Variants in ESRRG observed in about 807,000 individuals in gnomAD.
ESRRG encodes estrogen-related receptor gamma.
A neutral mutation model predicts 44.0 loss-of-function variants in ESRRG; 13 were observed. The ratio of observed to expected loss-of-function variants is 0.30; its 90% CI spans 0.19 to 0.47. ESRRG has a LOEUF of 0.47. Among genes scored for constraint, ESRRG ranks in the 20% least tolerant of loss-of-function variants. The pLI is 1.00. For missense variants in ESRRG, 395 were observed against 580.6 expected, an observed-to-expected ratio of 0.68 and a Z score of 3.29; for synonymous variants, 215 against 214.6, an observed-to-expected ratio of 1.00 and a Z score of -0.02.
chr1:217,049,521 CTG>C (rs2085510555), intron 1 of ESRRG, among the ~76,000 whole-genome samples: 1 of 152,156 alleles, frequency 6.6e-6, no homozygotes, highest in Non-Finnish European at 1.5e-5. Context: ...AGGGGAGAAA[CTG>C]TTGAATTTGT....
chr1:217,117,073 A>G (rs1254764637), intron 1 of ESRRG, among the ~76,000 whole-genome samples: 5 of 152,218 alleles, frequency 3.3e-5, no homozygotes, highest in African/African-American at 4.8e-5. Flanking sequence ...ATAACAGCAT[A>G]TGGAGAAAAT....
Position 216,996,556 on chromosome 1 carries a change from T to G in ESRRG, c.-105-56883A>C, listed in dbSNP as rs956218506. On this transcript the variant is annotated intron_variant, in intron 1 of 7. Transcript: ENST00000359162. ...AAATAAGTAAATGAATAAGTTAAGG[T>G]GAGAAATAAAGGTGAGAAAGAGTCA... Among the ~76,000 whole-genome samples, 8 of 151,816 alleles carry G rather than the reference T, an allele frequency of 5.3e-5. No individual in the cohort carries two copies. The South Asian group carries it at 6.2e-4, about 12-fold the overall frequency.
intron 1 of ESRRG, among the ~76,000 whole-genome samples, chr1:217,022,773 A>C (rs990082474): frequency 1.3e-5 from 2 of 152,150 alleles, no homozygotes; most frequent in Non-Finnish European, 2.9e-5. Flanking sequence ...CATCTGGAGC[A>C]ACACCTGTCC....
rs149532617 is a variant in ESRRG, at chr1:217,016,425, C to G, written c.-106+73082G>C. 5.7e-3 allele frequency among the ~76,000 whole-genome samples: 866 copies of G among 152,218 alleles called. 6 individuals are homozygous for G. Among genetic ancestry groups the G allele is most frequent in the African/African-American group, 0.019 (792 of 41,520 alleles). ...TCTCTTCCTCAGAACAACACCCTGC[C>G]TCCCTACAACCCAGAAAGCATTTAG... On this transcript the variant is annotated intron_variant, in intron 1 of 7. Transcript: ENST00000359162.
At chr1:216,979,595 C>T (rs573651624) in intron 1 of ESRRG, among the ~76,000 whole-genome samples, 12 of 152,206 alleles carry the variant, frequency 7.9e-5, no homozygotes, top group African/African-American at 2.9e-4. Context: ...TACTTACTAG[C>T]TGCTTGACAA....
chr1:217,071,589 A>G (rs527389032), intron 1 of ESRRG, among the ~76,000 whole-genome samples: 74 of 152,364 alleles, frequency 4.9e-4, no homozygotes, highest in Admixed American at 1.2e-3. Context: ...TCAGTTTTAT[A>G]TATTAATGGC....
chr1:216,805,911 A>T (rs1253563037), intron 2 of ESRRG, among the ~76,000 whole-genome samples: 4 of 152,132 alleles, frequency 2.6e-5, no homozygotes, highest in Non-Finnish European at 5.9e-5. Flanking sequence ...GAAGGAGAGA[A>T]GATGACTAGA....
Position 216,736,176 on chromosome 1 carries a change from A to ATTT in ESRRG, c.-13-58688_-13-58686dup, listed in dbSNP as rs34469625. ...TGGTGCTTCTAAGGAGTTAAGGACT[A>ATTT]TTTTTTTTTTTTTTTTTTTTTTTTG... On this transcript the variant is annotated intron_variant, in intron 2 of 7. Coordinates refer to the ESRRG transcript ENST00000359162. Among the ~76,000 whole-genome samples the ATTT allele has an allele frequency of 4.1e-3, 337 of 82,678 alleles. 7 individuals carry two copies. The highest frequency in any genetic ancestry group is 0.014 in the African/African-American group (275 of 19,854). 54.2% of individuals were successfully genotyped at this position (82,678 alleles called of 152,430 possible). A position where few individuals can be genotyped will look rare whatever the true frequency, so the allele number is the denominator to read the frequency against.
intron 1 of ESRRG, among the ~76,000 whole-genome samples, chr1:216,703,637 G>C (rs2081876733): frequency 6.7e-6 from 1 of 149,120 alleles, no homozygotes; most frequent in East Asian, 2.0e-4. Flanking sequence ...TTTTTTAATG[G>C]CATGTTTTCA....
chr1:217,044,994 G>A (rs574569945), intron 1 of ESRRG, among the ~76,000 whole-genome samples: 2 of 152,246 alleles, frequency 1.3e-5, no homozygotes, highest in Admixed American at 6.5e-5. Flanking sequence ...AGAGAAATGA[G>A]CCCATTGTCA....
At chr1:217,085,433 A>T (rs1021723475) in intron 1 of ESRRG, among the ~76,000 whole-genome samples, 2 of 139,310 alleles carry the variant, frequency 1.4e-5, no homozygotes, top group African/African-American at 5.4e-5. Flanking sequence ...TTATCTAAAG[A>T]TTGTTCTGGA....
chr1:216,609,448 A>G (rs2060334244), intron 3 of ESRRG, among the ~76,000 whole-genome samples: 1 of 152,202 alleles, frequency 6.6e-6, no homozygotes, highest in Non-Finnish European at 1.5e-5. Context: ...AACACATTTC[A>G]TTGTTGCCAC....
At chr1:217,061,518 G>T (rs2088493581) in intron 1 of ESRRG, among the ~76,000 whole-genome samples, 1 of 152,018 alleles carries the variant, frequency 6.6e-6, no homozygotes, top group South Asian at 2.1e-4. Flanking sequence ...AGTTGCACCG[G>T]ACTATAGAAG....
intron 2 of ESRRG, among the ~76,000 whole-genome samples, chr1:216,665,728 C>A (rs974971787): frequency 6.6e-6 from 1 of 152,066 alleles, no homozygotes; most frequent in South Asian, 2.1e-4. Flanking sequence ...AATGTCAGTT[C>A]TTTTAAATAC....
intron 2 of ESRRG, among the ~76,000 whole-genome samples, chr1:216,783,876 C>T (rs571989030): frequency 6.6e-6 from 1 of 152,172 alleles, no homozygotes; most frequent in Admixed American, 6.6e-5. Context: ...AAATCTCTTG[C>T]ACCCTCTCTC....
chr1:216,525,991 A>T (rs1458779887), intron 5 of ESRRG, among the ~76,000 whole-genome samples: 1 of 152,186 alleles, frequency 6.6e-6, no homozygotes, highest in Non-Finnish European at 1.5e-5. Flanking sequence ...AAATAAACAC[A>T]TACAGGCTCT....
At chr1:216,702,627 A>G (rs1032368136) in intron 1 of ESRRG, among the ~76,000 whole-genome samples, 1 of 150,744 alleles carries the variant, frequency 6.6e-6, no homozygotes, top group Non-Finnish European at 1.5e-5. Flanking sequence ...AAAAAAGAAA[A>G]TTAGCCAGGC....
intron 1 of ESRRG, among the ~76,000 whole-genome samples, chr1:216,963,769 A>G (rs2069654505): frequency 1.3e-5 from 2 of 152,106 alleles, no homozygotes; most frequent in South Asian, 4.1e-4. Context: ...GGCTCTATGG[A>G]AAGTACAAGG....
intron 5 of ESRRG, among the ~76,000 whole-genome samples, chr1:216,521,110 T>C (rs1342644848): frequency 1.3e-5 from 2 of 152,202 alleles, no homozygotes; most frequent in African/African-American, 4.8e-5. Flanking sequence ...GGTGCTTACA[T>C]GTTATTTGAC....
Sources: allele counts gnomAD v4.1 joint callset (sites outside exome capture counted in the v4.1 genomes callset), GRCh38; gene constraint gnomAD v4.1.1; transcripts MANE v1.5; gene names NCBI Gene and HGNC (gene_info 2026-07-23, HGNC 2026-07-21).